NFIA: variants seen among roughly 807,000 people sequenced by gnomAD.
NFIA encodes nuclear factor 1 A-type.
In NFIA, 8 loss-of-function variants were observed where a neutral mutation model predicts 62.8. The ratio of observed to expected loss-of-function variants is 0.13; its 90% CI spans 0.07 to 0.23. NFIA has a LOEUF of 0.23. Ranked by LOEUF, NFIA falls within the 10% of genes least tolerant of loss-of-function variation. The probability of loss-of-function intolerance (pLI) is 1.00; values close to 1 mark genes in which losing one functional copy is unlikely to be tolerated. For missense variants in NFIA, 410 were observed against 642.1 expected, an observed-to-expected ratio of 0.64 and a Z score of 3.91; for synonymous variants, 235 against 238.1, an observed-to-expected ratio of 0.99 and a Z score of 0.12.
At position 61,459,194 on chromosome 1, in the gene NFIA, T is replaced by A. The variant is rs1668433616; in HGVS notation, c.*3874T>A. 6.6e-6 allele frequency: 1 copy of A among 152,256 alleles called. No individual in the cohort carries two copies. Among genetic ancestry groups the A allele is most frequent in the Non-Finnish European group, 1.5e-5 (1 of 68,086 alleles). 9.4% of individuals were successfully genotyped at this position (152,256 alleles called of 1,614,324 possible). On this transcript the variant is annotated 3_prime_UTR_variant, in exon 11 of 11. Transcript: ENST00000403491. ...CCAGCCCTTGACTCTGAGACACATT[T>A]GAATTTTTTCTTTCCCATCAAATGG... is the stretch of plus-strand genomic sequence containing the variant.
rs137970213 is a variant in NFIA, at chr1:61,308,578, G to A, written c.626-23934G>A. Among the ~76,000 whole-genome samples the A allele has an allele frequency of 2.3e-4, 35 of 152,288 alleles. No homozygotes were observed. In the East Asian group the frequency reaches 6.0e-3, roughly 26 times the overall value. On this transcript the variant is annotated intron_variant, in intron 3 of 10. Transcript: ENST00000403491. The stretch of plus-strand genomic sequence containing the variant: ...GCAGTTTTGCATAAAGGCAAACCAT[G>A]GTACAGTGAGGATGGTGCCCCTGTG...
chr1:61,282,323 C>T (rs974424828), intron 3 of NFIA, among the ~76,000 whole-genome samples: 1 of 152,178 alleles, frequency 6.6e-6, no homozygotes, highest in African/African-American at 2.4e-5. Flanking sequence ...TGTTATATCA[C>T]TGAATCTGGC....
chr1:61,342,513 C>G (rs1205958449), intron 4 of NFIA, among the ~76,000 whole-genome samples: 1 of 152,188 alleles, frequency 6.6e-6, no homozygotes, highest in African/African-American at 2.4e-5. Flanking sequence ...TTTCAGCCCC[C>G]AAAGCAGAAG....
chr1:61,186,784 T>C (rs1371548529), intron 2 of NFIA, among the ~76,000 whole-genome samples: 1 of 152,260 alleles, frequency 6.6e-6, no homozygotes, highest in Non-Finnish European at 1.5e-5. Context: ...TATTCTCTCA[T>C]TTAATCCTTA....
intron 2 of NFIA, chr1:61,132,607 A>C (rs1446715290): frequency 6.6e-6 from 1 of 152,086 alleles, no homozygotes; most frequent in Non-Finnish European, 1.5e-5. Context: ...TCATTGACTA[A>C]CTCTGTTGCT....
chr1:61,214,742 C>G (rs1409855791), intron 2 of NFIA, among the ~76,000 whole-genome samples: 1 of 152,150 alleles, frequency 6.6e-6, no homozygotes, highest in East Asian at 1.9e-4. Flanking sequence ...GAGAACTTCC[C>G]TGTCTTATGT....
In NFIA at chr1:61,456,237, T is replaced by C. The variant is rs567852062; in HGVS notation, c.*917T>C. On this transcript the variant is annotated 3_prime_UTR_variant, in exon 11 of 11. Transcript: ENST00000403491. ...GATAGAGATTGTTGAAAATTCTATTTTTGTTTTTCTAGTCCTTTCACCCCA... is the reference window on the plus strand; with the variant it reads ...GATAGAGATTGTTGAAAATTCTATTCTTGTTTTTCTAGTCCTTTCACCCCA... 4 of 152,684 alleles carry C rather than the reference T, an allele frequency of 2.6e-5. No individual in the cohort carries two copies. The highest frequency in any genetic ancestry group is 9.6e-5 in the African/African-American group (4 of 41,554). The allele number at this position is 152,684 out of a possible 1,614,324, so 9.5% of individuals were successfully genotyped here. A position where few individuals can be genotyped will look rare whatever the true frequency, so the allele number is the denominator to read the frequency against.
chr1:61,280,659 A>G (rs539249352), intron 3 of NFIA, among the ~76,000 whole-genome samples: 6 of 152,230 alleles, frequency 3.9e-5, no homozygotes, highest in African/African-American at 1.4e-4. Flanking sequence ...TCCCTGTCCA[A>G]CTAGTCTGCT....
rs778258398 is a variant in NFIA, at chr1:61,406,737, G to A, written c.1420+10G>A. On this transcript the variant is annotated intron_variant, in intron 9 of 10. Transcript: ENST00000403491. ...TCCCCCACGTCACCAAGTAAGTATG[G>A]CTGCGACAAGGCGCCGGTCACTTCT... 1.9e-5 allele frequency: 30 copies of A among 1,597,014 alleles called. No individual in the cohort carries two copies. In the South Asian group the frequency reaches 3.3e-4, roughly 18 times the overall value.
At chr1:61,453,972 T>G (rs1321336481) in intron 10 of NFIA, among the ~76,000 whole-genome samples, 2 of 152,168 alleles carry the variant, frequency 1.3e-5, no homozygotes, top group Non-Finnish European at 2.9e-5. Flanking sequence ...GGGCTTAAGT[T>G]TTTTAAACTC....
intron 2 of NFIA, among the ~76,000 whole-genome samples, chr1:61,224,203 A>C (rs1654187873): frequency 6.6e-6 from 1 of 152,080 alleles, no homozygotes; most frequent in Non-Finnish European, 1.5e-5. Flanking sequence ...CTTGAACTTA[A>C]CTTTTCAATT....
At position 61,428,365 on chromosome 1, in the gene NFIA, T is replaced by C. The variant is rs555013633; in HGVS notation, c.1512+1809T>C. Among the ~76,000 whole-genome samples, 6 of 150,652 alleles carry C rather than the reference T, an allele frequency of 4.0e-5. No homozygotes were observed. The South Asian group carries it at 1.3e-3, about 32-fold the overall frequency. ...TGAATGATGTCATGTAGGCCCAGTA[T>C]TGGCATCTGGAACTGAATTTTTTTT... On this transcript the variant is annotated intron_variant, in intron 10 of 10. Transcript: ENST00000403491.
intron 2 of NFIA, among the ~76,000 whole-genome samples, chr1:61,186,511 G>C (rs1651191594): frequency 6.6e-6 from 1 of 152,098 alleles, no homozygotes; most frequent in African/African-American, 2.4e-5. Flanking sequence ...CAGTGGAAGA[G>C]ACATGTATGT....
In NFIA at chr1:61,458,725, A is replaced by G. The variant is rs1007235488; in HGVS notation, c.*3405A>G. The G allele has an allele frequency of 2.3e-5, 2 of 88,330 alleles. No individual in the cohort carries two copies. Among genetic ancestry groups the G allele is most frequent in the Non-Finnish European group, 5.3e-5 (2 of 38,002 alleles). The allele number at this position is 88,330 out of a possible 1,614,324, so 5.5% of individuals were successfully genotyped here. On this transcript the variant is annotated 3_prime_UTR_variant, in exon 11 of 11. Transcript: ENST00000403491. ...TTTTTGTAAGTATTTAAATACAATT[A>G]TTTTTTTCTCTCAATGGTATAGCAT...
intron 3 of NFIA, among the ~76,000 whole-genome samples, chr1:61,315,890 A>G (rs1482214879): frequency 6.6e-6 from 1 of 152,200 alleles, no homozygotes; most frequent in Admixed American, 6.5e-5. Flanking sequence ...TCGTATTTCC[A>G]TAGAGTCTGT....
chr1:61,191,994 C>G (rs1178135445), intron 2 of NFIA, among the ~76,000 whole-genome samples: 1 of 151,798 alleles, frequency 6.6e-6, no homozygotes, highest in Admixed American at 6.6e-5. Context: ...GAGTCTTGCT[C>G]TGGTGCCCAG....
intron 2 of NFIA, among the ~76,000 whole-genome samples, chr1:61,196,748 T>C (rs1652026675): frequency 6.6e-6 from 1 of 152,226 alleles, no homozygotes; most frequent in Non-Finnish European, 1.5e-5. Context: ...AAACGGCTGA[T>C]GTTAATCTTC....
intron 2 of NFIA, among the ~76,000 whole-genome samples, chr1:61,184,419 C>A (rs1289376911): frequency 6.6e-6 from 1 of 152,234 alleles, no homozygotes; most frequent in African/African-American, 2.4e-5. Context: ...GTTTTGCATG[C>A]CAAATGTTCT....
intron 2 of NFIA, among the ~76,000 whole-genome samples, chr1:61,104,468 A>G (rs1464307289): frequency 1.3e-5 from 2 of 152,084 alleles, no homozygotes; most frequent in Non-Finnish European, 2.9e-5. Flanking sequence ...GACCAATTTC[A>G]TTAGACGGAA....
Sources: gnomAD v4.1 joint callset for allele counts (sites outside exome capture counted in the v4.1 genomes callset) on GRCh38, gnomAD v4.1.1 for gene constraint, MANE v1.5 for transcripts, NCBI Gene and HGNC (gene_info 2026-07-23, HGNC 2026-07-21) for gene names.